CNOT1: variants seen among roughly 807,000 people sequenced by gnomAD.
The protein encoded by CNOT1 is CCR4-associated factor 1.
Under a neutral mutation model 273.8 loss-of-function variants are expected in CNOT1, and 15 were observed. The observed-to-expected ratio is 0.05, with a 90% CI of 0.04 to 0.08. The LOEUF (loss-of-function observed/expected upper bound fraction) is 0.08. Among genes scored for constraint, CNOT1 ranks in the 10% least tolerant of loss-of-function variants. The pLI is 1.00. For synonymous variants in CNOT1, 1,022 were observed against 1,005.5 expected, an observed-to-expected ratio of 1.02 and a Z score of -0.31; for missense variants, 1,644 against 2,912.2, an observed-to-expected ratio of 0.56 and a Z score of 10.02.
chr16:58,536,013 C>T (rs974113992), intron 39 of CNOT1, among the ~76,000 whole-genome samples: 10 of 152,138 alleles, frequency 6.6e-5, no homozygotes, highest in African/African-American at 1.7e-4. Context: ...GGATTACAGG[C>T]GTGAGCCACA....
chr16:58,593,862 A>G (rs28851875), intron 2 of CNOT1, among the ~76,000 whole-genome samples: 1 of 152,248 alleles, frequency 6.6e-6, no homozygotes, highest in Non-Finnish European at 1.5e-5. Context: ...ATATCTATAT[A>G]GTAGAATATT....
chr16:58,548,177 CT>C (rs1226614331), intron 25 of CNOT1, among the ~76,000 whole-genome samples: 1 of 152,210 alleles, frequency 6.6e-6, no homozygotes, highest in African/African-American at 2.4e-5. Flanking sequence ...TAACAAATCT[CT>C]GCAGCCAACC....
At chr16:58,578,005 T>C (rs921175694) in intron 13 of CNOT1, among the ~76,000 whole-genome samples, 1 of 152,212 alleles carries the variant, frequency 6.6e-6, no homozygotes, top group East Asian at 1.9e-4. Flanking sequence ...TTAGATAAAT[T>C]AGAAAAGAGT....
chr16:58,546,219 A>T, intron 29 of CNOT1, 102 bp downstream of exon 29: 1 of 1,034,426 alleles, frequency 9.7e-7, no homozygotes, highest in Non-Finnish European at 1.4e-6. Flanking sequence ...TTTCACCACT[A>T]CATTATGTGG....
At chr16:58,600,856 T>C (rs1467590291) in intron 1 of CNOT1, among the ~76,000 whole-genome samples, 1 of 152,178 alleles carries the variant, frequency 6.6e-6, no homozygotes. Flanking sequence ...TCCCAACACT[T>C]TGGGAGGATG....
At position 58,580,617 on chromosome 16, in the gene CNOT1, GA is replaced by G; in HGVS notation, c.1343+15del. On this transcript the variant is annotated intron_variant, in intron 12 of 48. Transcript: ENST00000317147. ...AGAAGTAATCTTTTAAATGAAAGAT[GA>G]ATCAAAGTGTTTACCATGTGGCAAT... is the stretch of plus-strand genomic sequence containing the variant. 5 of 1,597,298 alleles carry G rather than the reference GA, an allele frequency of 3.1e-6. No individual in the cohort carries two copies. Among genetic ancestry groups the G allele is most frequent in the Non-Finnish European group, 3.4e-6 (4 of 1,174,644 alleles).
intron 1 of CNOT1, among the ~76,000 whole-genome samples, chr16:58,616,605 T>C (rs962951581): frequency 2.0e-5 from 3 of 152,154 alleles, no homozygotes; most frequent in Admixed American, 6.6e-5. Flanking sequence ...TAGTCAAAGT[T>C]TGGGAAATTC....
At chr16:58,600,230 C>T (rs551873939) in intron 1 of CNOT1, among the ~76,000 whole-genome samples, 2 of 151,918 alleles carry the variant, frequency 1.3e-5, no homozygotes, top group East Asian at 3.9e-4. Flanking sequence ...TGCCTGTAAT[C>T]CTAACTACTC....
At chr16:58,621,674 T>C (rs2043322032) in intron 1 of CNOT1, among the ~76,000 whole-genome samples, 1 of 150,330 alleles carries the variant, frequency 6.7e-6, no homozygotes, top group South Asian at 2.1e-4. Flanking sequence ...ATCCCAGCAC[T>C]TTGGGAGGCC....
chr16:58,611,001 C>T (rs1238476523), intron 1 of CNOT1, among the ~76,000 whole-genome samples: 2 of 151,550 alleles, frequency 1.3e-5, no homozygotes, highest in African/African-American at 4.9e-5. Flanking sequence ...CACACCACTG[C>T]GCTCCAGCCT....
intron 27 of CNOT1, 87 bp from the exon 28 acceptor site, chr16:58,546,836 TA>T (rs1217967543): frequency 1.1e-4 from 164 of 1,510,670 alleles, no homozygotes; most frequent in Non-Finnish European, 2.5e-5. Context: ...CATAAGGGGG[TA>T]GGGGGGAGTC....
At chr16:58,619,010 T>G (rs142746084) in intron 1 of CNOT1, among the ~76,000 whole-genome samples, 8 of 152,010 alleles carry the variant, frequency 5.3e-5, no homozygotes, top group Non-Finnish European at 1.2e-4. Flanking sequence ...CTGAGCAACA[T>G]AGTGAGACCC....
At chr16:58,539,312 A>C (rs2040005241) in intron 35 of CNOT1, among the ~76,000 whole-genome samples, 1 of 152,042 alleles carries the variant, frequency 6.6e-6, no homozygotes, top group African/African-American at 2.4e-5. Context: ...TGGACAACAA[A>C]GCAAGACCTG....
At chr16:58,528,402 G>A (rs1034485147) in intron 44 of CNOT1, 73 bp downstream of exon 44, 2 of 1,068,556 alleles carry the variant, frequency 1.9e-6, no homozygotes, top group Non-Finnish European at 2.9e-6. Flanking sequence ...GGAAAGTGCT[G>A]AACAGTCTAC....
intron 47 of CNOT1, among the ~76,000 whole-genome samples, chr16:58,522,662 T>C (rs40187): frequency 0.25 from 37,548 of 152,110 alleles, 5,046 homozygotes; most frequent in East Asian, 0.38. Context: ...GATCCTGTTA[T>C]TGCTACTGCT....
Position 58,576,439 on chromosome 16 carries a change from GTCAGTCTGTCCC to G in CNOT1, c.1704+12_1704+23del. ...TTTTCTCATTAGTAAATAAACTGGT[GTCAGTCTGTCCC>G]TCTGAACTCACCTTCAAGTCCTGGG... On this transcript the variant is annotated intron_variant, in intron 14 of 48. Transcript: ENST00000317147. 2 of 1,613,592 alleles carry G rather than the reference GTCAGTCTGTCCC, an allele frequency of 1.2e-6. No homozygotes were observed. The highest frequency in any genetic ancestry group is 1.7e-6 in the Non-Finnish European group (2 of 1,179,762).
Position 58,520,881 on chromosome 16 carries a change from A to C in CNOT1, c.*77T>G. On this transcript the variant is annotated 3_prime_UTR_variant, in exon 49 of 49. Transcript: ENST00000317147. ...GCTGGGAAAGTCAGGAAGAGCTGAA[A>C]GGATTCTTCAGTCAGTTTATGAACT... is the stretch of plus-strand genomic sequence containing the variant. 6.9e-7 allele frequency: 1 copy of C among 1,445,432 alleles called. No individual in the cohort carries two copies. Among genetic ancestry groups the C allele is most frequent in the East Asian group, 2.3e-5 (1 of 44,114 alleles). The allele number at this position is 1,445,432 out of a possible 1,614,324, so 89.5% of individuals were successfully genotyped here.
Position 58,523,520 on chromosome 16 carries a change from T to C in CNOT1, c.6785-18A>G, listed in dbSNP as rs1344845090. The C allele has an allele frequency of 6.2e-7, 1 of 1,613,458 alleles. No individual in the cohort carries two copies. Among genetic ancestry groups the C allele is most frequent in the Middle Eastern group, 1.7e-4 (1 of 6,060 alleles). On this transcript the variant is annotated intron_variant, in intron 46 of 48. Coordinates refer to ENST00000317147, the MANE Select transcript of CNOT1 (RefSeq NM_016284.5). ...ATAGCGACCTAGAAATTAAGAAACC[T>C]TGACTTAGGACTTAGTCTGAAAGGC...
Position 58,604,263 on chromosome 16 carries a change from A to G in CNOT1, c.-174-4752T>C, listed in dbSNP as rs1470951842. ...GCCATTTTTAAATACTGTAACACAA[A>G]GCTATAGTCACTTTCCAACAAGTTC... On this transcript the variant is annotated intron_variant, in intron 1 of 48. Coordinates refer to ENST00000317147, the MANE Select transcript of CNOT1 (RefSeq NM_016284.5). Among the ~76,000 whole-genome samples, 3 of 152,302 alleles carry G rather than the reference A, an allele frequency of 2.0e-5. No homozygotes were observed. In the East Asian group the frequency reaches 5.8e-4, roughly 29 times the overall value.
Sources: allele counts gnomAD v4.1 joint callset (sites outside exome capture counted in the v4.1 genomes callset), GRCh38; gene constraint gnomAD v4.1.1; transcripts MANE v1.5; gene names NCBI Gene and HGNC (gene_info 2026-07-23, HGNC 2026-07-21).